Variants in ANXA13 observed in about 807,000 individuals in gnomAD.
ANXA13 encodes the protein annexin A13.
A neutral mutation model predicts 46.6 loss-of-function variants in ANXA13; 36 were observed. The observed-to-expected ratio is 0.77, with a 90% CI of 0.59 to 1.02. The LOEUF is 1.02. ANXA13 is among the 50% of genes least tolerant of loss of function. The probability of loss-of-function intolerance (pLI) is 0.00; values close to 1 mark genes in which losing one functional copy is unlikely to be tolerated. For synonymous variants in ANXA13, 163 were observed against 152.9 expected (o/e 1.07, Z -0.49); for missense variants, 417 against 396.5 (o/e 1.05, Z -0.44).
At chr8:123,735,910 G>C in intron 1 of ANXA13, 1 of 1,564,926 alleles carries the variant, frequency 6.4e-7, no homozygotes, top group Non-Finnish European at 8.7e-7. Context: ...TAAAAATGCT[G>C]GTCCACTCCT....
At chr8:123,737,168 A>C (rs999962944) in intron 1 of ANXA13, 152 bp downstream of exon 1, 1 of 750,838 alleles carries the variant, frequency 1.3e-6, no homozygotes, top group Non-Finnish European at 2.1e-6. Context: ...GCCTCAATGC[A>C]TTTTAAAAGC....
At chr8:123,706,664 C>T (rs1280509010) in intron 2 of ANXA13, among the ~76,000 whole-genome samples, 1 of 152,216 alleles carries the variant, frequency 6.6e-6, no homozygotes, top group African/African-American at 2.4e-5. Context: ...CATTCACTGC[C>T]CCCAGAACAA....
chr8:123,732,399 T>C (rs2385507), intron 1 of ANXA13, among the ~76,000 whole-genome samples: 66,172 of 151,668 alleles, frequency 0.44, 14,764 homozygotes, highest in South Asian at 0.53. Flanking sequence ...ATGTCAGTTA[T>C]TATCATTAAC....
At chr8:123,709,465 C>T (rs181444795) in intron 2 of ANXA13, among the ~76,000 whole-genome samples, 286 of 151,994 alleles carry the variant, frequency 1.9e-3, no homozygotes, top group Middle Eastern at 0.01. Context: ...CTGTCTTCCT[C>T]CCCCCATTCT....
intron 8 of ANXA13, among the ~76,000 whole-genome samples, chr8:123,689,955 G>A (rs10104421): frequency 0.21 from 31,858 of 152,148 alleles, 4,310 homozygotes; most frequent in South Asian, 0.3. Context: ...AATATATGTC[G>A]GGGGAGGAAC....
intron 2 of ANXA13, among the ~76,000 whole-genome samples, chr8:123,710,151 C>T (rs7002380): frequency 0.1 from 15,325 of 152,190 alleles, 1,683 homozygotes; most frequent in African/African-American, 0.28. Context: ...AAATTTGTGG[C>T]CATATTTATT....
Position 123,698,288 on chromosome 8 carries a change from A to G in ANXA13, c.357+101T>C, listed in dbSNP as rs564503115. The G allele has an allele frequency of 1.0e-3, 1,324 of 1,286,898 alleles. 36 individuals are homozygous for G. In the South Asian group the frequency reaches 0.018, roughly 17 times the overall value. 79.7% of individuals were successfully genotyped at this position (1,286,898 alleles called of 1,614,324 possible). ...CATATGTCTCCCCAGACACCTGCTC[A>G]GTCCATGGATAGAATGCTGGGAAGT... On this transcript the variant is annotated intron_variant, in intron 4 of 10. Transcript: ENST00000419625.
chr8:123,733,249 C>A (rs920886191), intron 1 of ANXA13, among the ~76,000 whole-genome samples: 19 of 151,808 alleles, frequency 1.3e-4, no homozygotes, highest in Middle Eastern at 3.4e-3. Flanking sequence ...TTATTTAAGT[C>A]TTTTGAAATG....
chr8:123,711,231 G>T (rs897455164), intron 2 of ANXA13, among the ~76,000 whole-genome samples: 10 of 152,174 alleles, frequency 6.6e-5, no homozygotes, highest in African/African-American at 2.4e-4. Context: ...GCAATGTCAG[G>T]TTACCAGGCA....
chr8:123,717,681 G>T (rs1813780875), intron 1 of ANXA13, among the ~76,000 whole-genome samples: 2 of 152,214 alleles, frequency 1.3e-5, no homozygotes, highest in South Asian at 4.1e-4. Flanking sequence ...CTTATTAGCC[G>T]TGTGACTTCG....
At chr8:123,691,588 T>C (rs183466444) in intron 8 of ANXA13, among the ~76,000 whole-genome samples, 1 of 152,326 alleles carries the variant, frequency 6.6e-6, no homozygotes, top group African/African-American at 2.4e-5. Context: ...TAGGTACTAT[T>C]ATCCCTATTT....
At chr8:123,709,596 G>A (rs1338288992) in intron 2 of ANXA13, among the ~76,000 whole-genome samples, 1 of 152,076 alleles carries the variant, frequency 6.6e-6, no homozygotes. Flanking sequence ...ACTCCCACAT[G>A]CTTAGTGTCC....
At chr8:123,696,573 A>C (rs1217918668) in intron 4 of ANXA13, among the ~76,000 whole-genome samples, 1 of 152,066 alleles carries the variant, frequency 6.6e-6, no homozygotes, top group Non-Finnish European at 1.5e-5. Context: ...CCCCACCACC[A>C]AGCTGGTTAA....
At chr8:123,721,650 T>C (rs1168757073) in intron 1 of ANXA13, among the ~76,000 whole-genome samples, 4 of 152,190 alleles carry the variant, frequency 2.6e-5, no homozygotes, top group Non-Finnish European at 5.9e-5. Context: ...CAAAAGCTTG[T>C]CCTAAATTAG....
intron 1 of ANXA13, among the ~76,000 whole-genome samples, chr8:123,716,162 T>C (rs1813755819): frequency 2.0e-5 from 3 of 152,212 alleles, no homozygotes. Context: ...TTCGGTTCCC[T>C]GCAGCCTCTG....
chr8:123,730,819 T>G (rs1408373116), intron 1 of ANXA13, among the ~76,000 whole-genome samples: 10 of 152,070 alleles, frequency 6.6e-5, no homozygotes, highest in Admixed American at 5.9e-4. Context: ...AGGAGCAAAG[T>G]CACATCTTAC....
chr8:123,707,225 A>G (rs1239675714), intron 2 of ANXA13, among the ~76,000 whole-genome samples: 3 of 152,244 alleles, frequency 2.0e-5, no homozygotes, highest in African/African-American at 7.2e-5. Flanking sequence ...TGAATGAGGA[A>G]GTTTGCATGT....
At position 123,681,087 on chromosome 8, in the gene ANXA13, C is replaced by T. The variant is rs1813026627; in HGVS notation, c.*153G>A. 9.1e-7 allele frequency: 1 copy of T among 1,093,802 alleles called. No homozygotes were observed. The highest frequency in any genetic ancestry group is 1.6e-5 in the African/African-American group (1 of 63,772). 67.8% of individuals were successfully genotyped at this position (1,093,802 alleles called of 1,614,324 possible). A position where few individuals can be genotyped will look rare whatever the true frequency, so the allele number is the denominator to read the frequency against. On this transcript the variant is annotated 3_prime_UTR_variant, in exon 11 of 11. Transcript: ENST00000419625. Reference sequence around the variant, plus strand: ...TCTTAACGTTACTGCCCTTAACTTACACAGCTTGGCCTGGCTGCGCCACTT... The same window carrying T: ...TCTTAACGTTACTGCCCTTAACTTATACAGCTTGGCCTGGCTGCGCCACTT...
chr8:123,712,675 T>C lies in ANXA13; in HGVS notation c.91+3A>G, dbSNP rs765581612. ...CAAATTAGCAACAAAATATCTCTCA[T>C]ACCCATTCCTTTGCAGGCTTTGTTC... On this transcript the variant is annotated splice_donor_region_variant and intron_variant, in intron 2 of 10. Coordinates refer to ENST00000419625, the MANE Select transcript of ANXA13 (RefSeq NM_004306.4). 2.4e-5 allele frequency: 38 copies of C among 1,613,770 alleles called. No homozygotes were observed. The highest frequency in any genetic ancestry group is 3.1e-5 in the Non-Finnish European group (37 of 1,179,740).
Sources: gnomAD v4.1 joint callset for allele counts (sites outside exome capture counted in the v4.1 genomes callset) on GRCh38, gnomAD v4.1.1 for gene constraint, MANE v1.5 for transcripts, NCBI Gene and HGNC (gene_info 2026-07-23, HGNC 2026-07-21) for gene names.